Variants in CSGALNACT1 observed in about 807,000 individuals in gnomAD.
CSGALNACT1 encodes the protein chondroitin sulfate N-acetylgalactosaminyltransferase 1.
In CSGALNACT1, 52 loss-of-function variants were observed where a neutral mutation model predicts 51.0. The observed-to-expected ratio is 1.02, with a 90% CI of 0.82 to 1.29. The LOEUF is 1.29. Among genes scored for constraint, CSGALNACT1 ranks in the 50% most tolerant of loss-of-function variants. The pLI is 0.00. For synonymous variants in CSGALNACT1, 341 were observed against 254.4 expected (o/e 1.34, Z -3.24); for missense variants, 935 against 679.2 (o/e 1.38, Z -4.19).
chr8:19,528,131 G>A (rs2082059039), intron 3 of CSGALNACT1, among the ~76,000 whole-genome samples: 1 of 152,078 alleles, frequency 6.6e-6, no homozygotes, highest in African/African-American at 2.4e-5. Context: ...TTGACACAGG[G>A]CTATCCAGAA....
intron 5 of CSGALNACT1, among the ~76,000 whole-genome samples, chr8:19,444,962 C>G (rs369502905): frequency 6.6e-6 from 1 of 152,156 alleles, no homozygotes; most frequent in African/African-American, 2.4e-5. Context: ...CCAGGCAAGA[C>G]GCATGCAGGG....
intron 5 of CSGALNACT1, among the ~76,000 whole-genome samples, chr8:19,454,043 C>T (rs1010821192): frequency 3.3e-5 from 5 of 152,190 alleles, no homozygotes; most frequent in Admixed American, 1.3e-4. Context: ...AAGCCGTTTA[C>T]GAGAGAGACA....
intron 1 of CSGALNACT1, among the ~76,000 whole-genome samples, chr8:19,646,908 A>C (rs1363890983): frequency 3.9e-5 from 6 of 152,110 alleles, no homozygotes; most frequent in Non-Finnish European, 8.8e-5. Context: ...TGCTAAGGAG[A>C]AATAACAACA....
At chr8:19,598,839 C>T (rs1472218591) in intron 2 of CSGALNACT1, among the ~76,000 whole-genome samples, 1 of 152,180 alleles carries the variant, frequency 6.6e-6, no homozygotes, top group African/African-American at 2.4e-5. Flanking sequence ...CTAAGTGGAG[C>T]CATCTTCAGG....
At chr8:19,657,183 G>C (rs34018695) in intron 1 of CSGALNACT1, among the ~76,000 whole-genome samples, 2 of 151,424 alleles carry the variant, frequency 1.3e-5, no homozygotes, top group Non-Finnish European at 2.9e-5. Context: ...TGCACTTGGA[G>C]ATAGAGCTGT....
chr8:19,483,685 T>C (rs1469071992), intron 4 of CSGALNACT1, among the ~76,000 whole-genome samples: 1 of 152,194 alleles, frequency 6.6e-6, no homozygotes, highest in Non-Finnish European at 1.5e-5. Flanking sequence ...TCTAAAACCA[T>C]ACCTTATCAC....
At chr8:19,600,939 C>T (rs1297645083) in intron 2 of CSGALNACT1, among the ~76,000 whole-genome samples, 2 of 151,538 alleles carry the variant, frequency 1.3e-5, no homozygotes, top group African/African-American at 2.4e-5. Context: ...GTGCAGCTTA[C>T]CTATTTTCAT....
At chr8:19,575,347 A>G (rs2043955533) in intron 3 of CSGALNACT1, among the ~76,000 whole-genome samples, 1 of 152,202 alleles carries the variant, frequency 6.6e-6, no homozygotes, top group Admixed American at 6.5e-5. Flanking sequence ...GGGTTATGAA[A>G]ATAGTCCAGT....
intron 4 of CSGALNACT1, among the ~76,000 whole-genome samples, chr8:19,475,791 T>C (rs1159474399): frequency 1.3e-5 from 2 of 152,196 alleles, no homozygotes; most frequent in African/African-American, 2.4e-5. Flanking sequence ...TGGCAAGTCA[T>C]AGAGTGACAG....
At chr8:19,546,884 G>C (rs1394089775) in intron 3 of CSGALNACT1, among the ~76,000 whole-genome samples, 1 of 152,172 alleles carries the variant, frequency 6.6e-6, no homozygotes, top group African/African-American at 2.4e-5. Context: ...ATAAGGTTCA[G>C]GGTGCAGAAT....
intron 6 of CSGALNACT1, among the ~76,000 whole-genome samples, chr8:19,434,626 A>C (rs148098863): frequency 1.8e-3 from 280 of 152,316 alleles, no homozygotes; most frequent in African/African-American, 6.4e-3. Context: ...CTCCACAAAG[A>C]GTTGGCACAC....
chr8:19,462,678 T>A (rs145813221), intron 4 of CSGALNACT1, among the ~76,000 whole-genome samples: 342 of 152,334 alleles, frequency 2.2e-3, no homozygotes, highest in African/African-American at 7.7e-3. Context: ...CAATTTATGC[T>A]GCTTTCTGTC....
At chr8:19,419,476 C>A (rs1351395288) in intron 7 of CSGALNACT1, among the ~76,000 whole-genome samples, 1 of 152,184 alleles carries the variant, frequency 6.6e-6, no homozygotes, top group Non-Finnish European at 1.5e-5. Context: ...TATCAATTTA[C>A]ACAAAAGAAT....
intron 1 of CSGALNACT1, among the ~76,000 whole-genome samples, chr8:19,636,000 G>T (rs2056004915): frequency 1.3e-5 from 2 of 152,148 alleles, no homozygotes; most frequent in African/African-American, 4.8e-5. Context: ...AATGTGCTGA[G>T]ATTACAGGCA....
At chr8:19,563,946 T>C (rs2041361380) in intron 3 of CSGALNACT1, among the ~76,000 whole-genome samples, 1 of 151,860 alleles carries the variant, frequency 6.6e-6, no homozygotes, top group African/African-American at 2.4e-5. Context: ...CACACCACGC[T>C]GCGGCTGTTT....
rs117996309 is a variant in CSGALNACT1 at position 19,525,960 on chromosome 8, G to A, written c.-296-19830C>T. 3.1e-3 allele frequency among the ~76,000 whole-genome samples: 468 copies of A among 152,226 alleles called. 3 individuals are homozygous for A. Among genetic ancestry groups the A allele is most frequent in the Non-Finnish European group, 5.6e-3 (381 of 68,018 alleles). On this transcript the variant is annotated intron_variant, in intron 3 of 9. Transcript: ENST00000454498. ...CCAAACCAGAAACTAGGTCTAGTGC[G>A]CATTTACCATTCCATTTTATCATAT...
intron 7 of CSGALNACT1, 117 bp from the exon 7 acceptor site, chr8:19,418,867 G>A (rs1485700903): frequency 1.4e-6 from 1 of 737,306 alleles, no homozygotes; most frequent in Non-Finnish European, 2.4e-6. Flanking sequence ...TTTTTTCTTT[G>A]AGAGGCAGTC....
Position 19,564,271 on chromosome 8 carries a change from G to A in CSGALNACT1, c.-297+26889C>T, listed in dbSNP as rs552305543. On this transcript the variant is annotated intron_variant, in intron 3 of 9. Coordinates refer to ENST00000454498, the Ensembl canonical transcript of CSGALNACT1. ...TTTTTCAATATCCTGAATTACCCAT[G>A]CTGGTTTCCTGTTAGATTAGAATCC... is the stretch of plus-strand genomic sequence containing the variant. Among the ~76,000 whole-genome samples, 6 of 152,154 alleles carry A rather than the reference G, an allele frequency of 3.9e-5. No individual in the cohort carries two copies. The East Asian group carries it at 1.2e-3, about 29-fold the overall frequency.
At chr8:19,656,603 C>G (rs916806908) in intron 1 of CSGALNACT1, among the ~76,000 whole-genome samples, 398 of 37,174 alleles carry the variant, frequency 0.011, 4 homozygotes, top group African/African-American at 0.029. Flanking sequence ...CCCCCCCCCA[C>G]ACACACACAC....
Sources: gnomAD v4.1 joint callset for allele counts (sites outside exome capture counted in the v4.1 genomes callset) on GRCh38, gnomAD v4.1.1 for gene constraint, MANE v1.5 for transcripts, NCBI Gene and HGNC (gene_info 2026-07-23, HGNC 2026-07-21) for gene names.